The following TRPM2 variants were observed in gnomAD, a reference collection of about 807,000 sequenced individuals.
TRPM2 encodes estrogen-responsive element-associated gene 1 protein.
Under a neutral mutation model 174.0 loss-of-function variants are expected in TRPM2, and 161 were observed. The ratio of observed to expected loss-of-function variants is 0.93; its 90% CI spans 0.81 to 1.05. The LOEUF (loss-of-function observed/expected upper bound fraction) is 1.05, where lower values mean the gene tolerates loss of function less well. Among genes scored for constraint, TRPM2 ranks in the 50% least tolerant of loss-of-function variants. TRPM2 has a pLI of 0.00. For missense variants in TRPM2, 2,057 were observed against 2,038.0 expected, an observed-to-expected ratio of 1.01 and a Z score of -0.18; for synonymous variants, 954 against 861.3, an observed-to-expected ratio of 1.11 and a Z score of -1.88.
intron 16 of TRPM2, among the ~76,000 whole-genome samples, chr21:44,404,282 G>A (rs1259929197): frequency 6.7e-6 from 1 of 149,794 alleles, no homozygotes; most frequent in Non-Finnish European, 1.5e-5. Flanking sequence ...AAATGTATGT[G>A]CATACACATA....
Position 44,413,965 on chromosome 21 carries a change from G to A in TRPM2, c.3037G>A (p.Ala1013Thr), listed in dbSNP as rs753183141. 3.2e-5 allele frequency: 52 copies of A among 1,613,810 alleles called. No homozygotes were observed. Among genetic ancestry groups the A allele is most frequent in the Admixed American group, 1.0e-4 (6 of 60,000 alleles). Residue 1013 changes from alanine to threonine, a missense_variant, in exon 20 of 32, where the codon GCG (alanine) becomes ACG (threonine). By Grantham distance (58) the Ala-to-Thr change is moderately conservative. Transcript: ENST00000397928. ...PYKPKCPESD[A>T]TQQRPAFPEW... ...CAAGCCTAAGTGCCCCGAGAGCGAC[G>A]CGACGCAGCAGAGGCCGGCCTTCCC... is the stretch of plus-strand genomic sequence containing the variant.
At chr21:44,412,415 T>C (rs1251367730) in intron 19 of TRPM2, among the ~76,000 whole-genome samples, 1 of 152,170 alleles carries the variant, frequency 6.6e-6, no homozygotes, top group African/African-American at 2.4e-5. Flanking sequence ...GAGTTCTTTT[T>C]CTTTTTGTAA....
intron 19 of TRPM2, among the ~76,000 whole-genome samples, chr21:44,413,416 T>A (rs2050171556): frequency 1.3e-5 from 2 of 152,094 alleles, no homozygotes. Context: ...CTAATTTTTG[T>A]ATTTTTAGTA....
intron 19 of TRPM2, among the ~76,000 whole-genome samples, chr21:44,408,308 T>G (rs143973068): frequency 9.2e-5 from 14 of 152,084 alleles, no homozygotes; most frequent in African/African-American, 2.7e-4. Flanking sequence ...GGGTTTTGTG[T>G]GGGTATGTTT....
Position 44,354,577 on chromosome 21 carries a change from A to T in TRPM2, c.166-71A>T, listed in dbSNP as rs2048001915. 4 of 1,367,950 alleles carry T rather than the reference A, an allele frequency of 2.9e-6. No individual in the cohort carries two copies. The highest frequency in any genetic ancestry group is 1.4e-5 in the African/African-American group (1 of 69,966). The allele number at this position is 1,367,950 out of a possible 1,614,324, so 84.7% of individuals were successfully genotyped here. On this transcript the variant is annotated intron_variant, in intron 1 of 31. Coordinates refer to ENST00000397928, the MANE Select transcript of TRPM2 (RefSeq NM_003307.4). This position sits in a 1 kb window ranked among gnomAD's most constrained non-coding sequence, Gnocchi z 4.3. ...TGTGAAAGCTCCTCAAGGAGCTCAG[A>T]TGTGTCTCCAGGGGGCTGGGTGTGC...
At chr21:44,355,761 G>A (rs2048041058) in intron 2 of TRPM2, among the ~76,000 whole-genome samples, 1 of 151,928 alleles carries the variant, frequency 6.6e-6, no homozygotes, top group Non-Finnish European at 1.5e-5. Context: ...AGACTGTGTT[G>A]CCCCAGGGTA....
intron 24 of TRPM2, 91 bp downstream of exon 24, chr21:44,425,030 G>T: frequency 8.4e-7 from 1 of 1,193,868 alleles, no homozygotes; most frequent in Non-Finnish European, 1.2e-6. Flanking sequence ...CTGGGGGTGG[G>T]GGGCTCTGTC....
At chr21:44,418,144 G>A (rs752458719) in intron 21 of TRPM2, 36 bp downstream of exon 21, 36 of 1,588,192 alleles carry the variant, frequency 2.3e-5, no homozygotes, top group Non-Finnish European at 6.0e-6. Context: ...GAATGTCCTG[G>A]CCACCCGGGT....
intron 5 of TRPM2, among the ~76,000 whole-genome samples, chr21:44,371,021 C>T (rs984499316): frequency 2.6e-5 from 4 of 152,252 alleles, no homozygotes; most frequent in Non-Finnish European, 4.4e-5. Flanking sequence ...AACCCAGGCT[C>T]ACAAACCTGG....
intron 27 of TRPM2, 43 bp downstream of exon 27, chr21:44,427,154 G>A (rs756300541): frequency 1.3e-6 from 2 of 1,495,050 alleles, no homozygotes; most frequent in Non-Finnish European, 9.0e-7. Flanking sequence ...AGCCTTTGGG[G>A]TTTGCCTGGG....
rs773080870 is a variant in TRPM2, at chr21:44,438,564, G to T, written c.4168-503G>T. On this transcript the variant is annotated intron_variant, in intron 29 of 31. Transcript: ENST00000397928. This position sits in a 1 kb window ranked among gnomAD's most constrained non-coding sequence, Gnocchi z 5.9. ...AGGGTGGGAAAGATGGGTGTGGGGA[G>T]GAGGAGGTGCAGGCCGGAGCTGGGT... Among the ~76,000 whole-genome samples, 1 of 152,192 alleles carries T rather than the reference G, an allele frequency of 6.6e-6. No individual in the cohort carries two copies. Among genetic ancestry groups the T allele is most frequent in the Non-Finnish European group, 1.5e-5 (1 of 68,020 alleles).
Position 44,420,611 on chromosome 21 carries a change from T to A in TRPM2, c.3461+2056T>A, listed in dbSNP as rs13052460. Among the ~76,000 whole-genome samples the A allele has an allele frequency of 1.1e-3, 163 of 152,322 alleles. 1 individual carries two copies. The highest frequency in any genetic ancestry group is 3.7e-3 in the African/African-American group (155 of 41,560). On this transcript the variant is annotated intron_variant, in intron 22 of 31. Transcript: ENST00000397928. ...CTGACAACCTTCTCTTACTTGCTGT[T>A]GCCAAGTACAGCTTTGATGGATGGC...
chr21:44,364,350 G>T, intron 3 of TRPM2, 68 bp downstream of exon 3: 2 of 1,568,508 alleles, frequency 1.3e-6, no homozygotes, highest in Non-Finnish European at 1.7e-6. Context: ...ACACGCGGTG[G>T]TCGGCATTTC....
Position 44,366,835 on chromosome 21 carries a change from C to T in TRPM2, c.505C>T (p.Leu169Phe). ...GCACTGGGGGCTGGACGTCCCCAAT[C>T]TCTTGATCTCGGTGACCGGGGGGGC... ...TQHWGLDVPN[L>F]LISVTGGAKN... is the part of the protein sequence containing the mutation. The change falls in exon 4 of 32, where the codon CTC becomes TTC. Residue 169 changes from leucine to phenylalanine, a missense_variant. Transcript: ENST00000397928. The surrounding 1 kb of genome is among the most constrained non-coding windows in gnomAD (Gnocchi z 6.0). 1 of 1,614,004 alleles carries T rather than the reference C, an allele frequency of 6.2e-7. No individual in the cohort carries two copies. The highest frequency in any genetic ancestry group is 8.5e-7 in the Non-Finnish European group (1 of 1,179,978).
intron 19 of TRPM2, 31 bp from the exon 20 acceptor site, chr21:44,413,860 T>C (rs762898646): frequency 1.6e-5 from 26 of 1,595,282 alleles, no homozygotes; most frequent in Non-Finnish European, 2.1e-5. Context: ...TGTTGTTTTC[T>C]TGGCTCACCC....
intron 11 of TRPM2, among the ~76,000 whole-genome samples, chr21:44,394,882 T>A (rs1467943710): frequency 6.6e-6 from 1 of 152,218 alleles, no homozygotes; most frequent in Non-Finnish European, 1.5e-5. Context: ...CCCAGCTACC[T>A]GAGTACGTGT....
At chr21:44,362,999 C>T (rs996568433) in intron 2 of TRPM2, among the ~76,000 whole-genome samples, 2 of 152,206 alleles carry the variant, frequency 1.3e-5, no homozygotes, top group Non-Finnish European at 2.9e-5. Context: ...GTCTCGAACT[C>T]CTGACCTTGT....
intron 12 of TRPM2, 50 bp downstream of exon 12, chr21:44,395,601 G>T (rs201107877): frequency 6.2e-7 from 1 of 1,607,384 alleles, no homozygotes. Flanking sequence ...TAGGCCAGCG[G>T]CCAGCTGGGG....
intron 23 of TRPM2, among the ~76,000 whole-genome samples, chr21:44,424,191 C>T (rs541963997): frequency 1.1e-4 from 16 of 152,340 alleles, no homozygotes; most frequent in African/African-American, 3.6e-4. Flanking sequence ...GCAGCCCCTG[C>T]GGGCAGTGCT....
Sources: allele counts gnomAD v4.1 joint callset (sites outside exome capture counted in the v4.1 genomes callset), GRCh38; gene constraint gnomAD v4.1.1; non-coding constraint Gnocchi (gnomAD v3.1); transcripts MANE v1.5; gene names NCBI Gene and HGNC (gene_info 2026-07-23, HGNC 2026-07-21).